Variants in SLC39A12 observed in about 807,000 individuals in gnomAD.
The protein encoded by SLC39A12 is solute carrier family 39 member 12.
A neutral mutation model predicts 71.1 loss-of-function variants in SLC39A12; 63 were observed. That is an observed-to-expected ratio of 0.89 (90% CI 0.72 to 1.09). The LOEUF (loss-of-function observed/expected upper bound fraction) is 1.09. Among genes scored for constraint, SLC39A12 ranks in the 50% least tolerant of loss-of-function variants. The probability of loss-of-function intolerance (pLI) is 0.00; values close to 1 mark genes in which losing one functional copy is unlikely to be tolerated. For synonymous variants in SLC39A12, 351 were observed against 301.3 expected (o/e 1.16, Z -1.71); for missense variants, 892 against 812.6 (o/e 1.10, Z -1.19).
chr10:18,027,653 T>G, intron 12 of SLC39A12, among the ~76,000 whole-genome samples: 1 of 152,252 alleles, frequency 6.6e-6, no homozygotes, highest in East Asian at 1.9e-4. Flanking sequence ...TTTCTGCTAC[T>G]GGGCTTTTGC....
chr10:17,964,174 T>C (rs1834764145), intron 3 of SLC39A12, among the ~76,000 whole-genome samples: 1 of 152,224 alleles, frequency 6.6e-6, no homozygotes, highest in Non-Finnish European at 1.5e-5. Context: ...GAGACCCTTA[T>C]TGTTTCACAG....
chr10:18,015,492 C>T lies in SLC39A12; in HGVS notation c.1947+12134C>T, dbSNP rs940498095. ...CACATTTGGGAAAAAAATCTAGGTG[C>T]ATTGGTGGTATAATATTGTAGAAAG... On this transcript the variant is annotated intron_variant, in intron 12 of 12. Coordinates refer to ENST00000377369, the MANE Select transcript of SLC39A12 (RefSeq NM_001145195.2). 2.0e-5 allele frequency among the ~76,000 whole-genome samples: 3 copies of T among 152,032 alleles called. No individual in the cohort carries two copies. The South Asian group carries it at 6.2e-4, about 32-fold the overall frequency.
At chr10:17,971,256 C>A (rs1388831022) in intron 4 of SLC39A12, among the ~76,000 whole-genome samples, 1 of 120,720 alleles carries the variant, frequency 8.3e-6, no homozygotes, top group Non-Finnish European at 1.7e-5. Flanking sequence ...AGATATTGGC[C>A]TGCCCCTCCC....
At chr10:17,972,675 A>T (rs79309987) in intron 4 of SLC39A12, among the ~76,000 whole-genome samples, 1 of 151,958 alleles carries the variant, frequency 6.6e-6, no homozygotes, top group Admixed American at 6.6e-5. Context: ...TTTGGTTTCC[A>T]TTGGCATGGA....
At chr10:18,038,225 A>G (rs1473240754) in intron 12 of SLC39A12, among the ~76,000 whole-genome samples, 1 of 152,038 alleles carries the variant, frequency 6.6e-6, no homozygotes, top group Non-Finnish European at 1.5e-5. Context: ...ATATACAAGA[A>G]TAAAGAATTC....
At chr10:18,027,385 G>C (rs375974093) in intron 12 of SLC39A12, among the ~76,000 whole-genome samples, 8 of 152,262 alleles carry the variant, frequency 5.3e-5, no homozygotes, top group African/African-American at 1.9e-4. Flanking sequence ...GGAAGATCTT[G>C]TTAAGAGCAG....
chr10:17,959,603 G>A (rs190930146), intron 2 of SLC39A12, among the ~76,000 whole-genome samples: 196 of 152,208 alleles, frequency 1.3e-3, no homozygotes, highest in Non-Finnish European at 2.4e-3. Flanking sequence ...CACGACAGGC[G>A]TTTCTCAATG....
At chr10:18,026,374 G>A (rs944778052) in intron 12 of SLC39A12, among the ~76,000 whole-genome samples, 5 of 151,938 alleles carry the variant, frequency 3.3e-5, no homozygotes, top group Non-Finnish European at 7.4e-5. Context: ...AAATATTTTA[G>A]TTCACCCCCT....
rs1223282247 is a variant in SLC39A12 at position 18,003,371 on chromosome 10, G to A, written c.1947+13G>A. The A allele has an allele frequency of 2.5e-6, 4 of 1,588,890 alleles. No individual in the cohort carries two copies. Among genetic ancestry groups the A allele is most frequent in the African/African-American group, 1.4e-5 (1 of 73,534 alleles). The stretch of plus-strand genomic sequence containing the variant: ...CTTGGTTGAAATGGTAAGCTTGGTG[G>A]CTTTTCTATTTGATTTTTCTAAGCA... On this transcript the variant is annotated intron_variant, in intron 12 of 12. Coordinates refer to ENST00000377369, the MANE Select transcript of SLC39A12 (RefSeq NM_001145195.2).
chr10:17,965,389 A>T, intron 3 of SLC39A12, 94 bp from the exon 4 acceptor site: 1 of 1,111,524 alleles, frequency 9.0e-7, no homozygotes, highest in Non-Finnish European at 1.3e-6. Context: ...TAGAAAAACA[A>T]TTCCTTATCC....
At chr10:18,034,334 C>G (rs1192631761) in intron 12 of SLC39A12, among the ~76,000 whole-genome samples, 2 of 150,836 alleles carry the variant, frequency 1.3e-5, no homozygotes, top group East Asian at 1.9e-4. Context: ...TCTGGGTGCT[C>G]CTGTATTGGG....
intron 2 of SLC39A12, among the ~76,000 whole-genome samples, chr10:17,955,115 G>A (rs868962397): frequency 6.6e-6 from 1 of 152,120 alleles, no homozygotes; most frequent in African/African-American, 2.4e-5. Flanking sequence ...CTTTAATGAC[G>A]TGAAGTGCCT....
At chr10:17,976,883 A>AT (rs1276348390) in intron 4 of SLC39A12, among the ~76,000 whole-genome samples, 1 of 151,964 alleles carries the variant, frequency 6.6e-6, no homozygotes, top group Non-Finnish European at 1.5e-5. Context: ...TTCCTCTAGT[A>AT]TTTTTTCTAA....
intron 4 of SLC39A12, among the ~76,000 whole-genome samples, chr10:17,975,451 C>T (rs994622686): frequency 6.6e-6 from 1 of 152,170 alleles, no homozygotes; most frequent in Non-Finnish European, 1.5e-5. Flanking sequence ...CAGGGCATGT[C>T]TAGAAATGTT....
At chr10:18,021,942 G>A (rs1368477371) in intron 12 of SLC39A12, among the ~76,000 whole-genome samples, 1 of 152,092 alleles carries the variant, frequency 6.6e-6, no homozygotes, top group East Asian at 1.9e-4. Context: ...TCTTAATTAG[G>A]CCCACAACAT....
At chr10:18,024,532 T>A (rs1836621814) in intron 12 of SLC39A12, among the ~76,000 whole-genome samples, 1 of 152,152 alleles carries the variant, frequency 6.6e-6, no homozygotes, top group African/African-American at 2.4e-5. Flanking sequence ...CCACTCTCCA[T>A]GGGTCTCATT....
intron 5 of SLC39A12, among the ~76,000 whole-genome samples, chr10:17,979,398 A>G (rs1209324065): frequency 6.6e-6 from 1 of 152,180 alleles, no homozygotes; most frequent in African/African-American, 2.4e-5. Context: ...CTTGACAACA[A>G]ACTGGAGAAA....
At chr10:18,020,113 T>A (rs184727621) in intron 12 of SLC39A12, among the ~76,000 whole-genome samples, 9 of 152,052 alleles carry the variant, frequency 5.9e-5, no homozygotes, top group African/African-American at 1.9e-4. Flanking sequence ...TAATACCCAA[T>A]AGGTGGTTTT....
chr10:17,988,618 A>G (rs1053147659), intron 7 of SLC39A12, among the ~76,000 whole-genome samples: 2 of 152,230 alleles, frequency 1.3e-5, no homozygotes, highest in Admixed American at 6.5e-5. Context: ...TGTTCTGCCC[A>G]GAAGGCTGCA....
Sources: gnomAD v4.1 joint callset for allele counts (sites outside exome capture counted in the v4.1 genomes callset) on GRCh38, gnomAD v4.1.1 for gene constraint, MANE v1.5 for transcripts, NCBI Gene and HGNC (gene_info 2026-07-23, HGNC 2026-07-21) for gene names.